EPB41L4A: variants seen among roughly 807,000 people sequenced by gnomAD.
EPB41L4A encodes band 4.1-like protein 4A.
A neutral mutation model predicts 108.6 loss-of-function variants in EPB41L4A; 100 were observed. The observed-to-expected ratio is 0.92, with a 90% CI of 0.78 to 1.09. EPB41L4A has a LOEUF of 1.09. Ranked by LOEUF, EPB41L4A falls within the 50% of genes least tolerant of loss-of-function variation. The pLI, the probability that EPB41L4A is intolerant of heterozygous loss-of-function variation, is 0.00. For synonymous variants in EPB41L4A, 319 were observed against 289.0 expected (o/e 1.10, Z -1.05); for missense variants, 1,030 against 842.7 (o/e 1.22, Z -2.75).
intron 1 of EPB41L4A, among the ~76,000 whole-genome samples, chr5:112,409,270 C>T (rs944697205): frequency 6.6e-6 from 1 of 152,086 alleles, no homozygotes; most frequent in African/African-American, 2.4e-5. Flanking sequence ...TATGAAATGT[C>T]CCGAATACAC....
chr5:112,221,393 T>C (rs1292735017), intron 12 of EPB41L4A, among the ~76,000 whole-genome samples: 1 of 152,206 alleles, frequency 6.6e-6, no homozygotes, highest in African/African-American at 2.4e-5. Flanking sequence ...CCAACAAACT[T>C]AGATTTATTT....
intron 13 of EPB41L4A, among the ~76,000 whole-genome samples, 185 bp from the exon 14 acceptor site, chr5:112,205,689 C>T (rs952258044): frequency 6.6e-6 from 1 of 152,134 alleles, no homozygotes; most frequent in Non-Finnish European, 1.5e-5. Context: ...CCAGCAAGTA[C>T]CTTTGGGTCT....
chr5:112,227,857 T>C (rs1748582327), intron 12 of EPB41L4A, among the ~76,000 whole-genome samples: 1 of 152,242 alleles, frequency 6.6e-6, no homozygotes. Flanking sequence ...CTTCCCTGCT[T>C]TGACTGCACC....
chr5:112,187,210 T>C (rs1398464413), intron 17 of EPB41L4A, among the ~76,000 whole-genome samples: 3 of 152,210 alleles, frequency 2.0e-5, no homozygotes, highest in Non-Finnish European at 4.4e-5. Context: ...TTTTCAAATG[T>C]TGCATCTAAA....
Position 112,164,867 on chromosome 5 carries a change from T to C in EPB41L4A, c.*123A>G. On this transcript the variant is annotated 3_prime_UTR_variant, in exon 23 of 23. Coordinates refer to ENST00000261486, the MANE Select transcript of EPB41L4A (RefSeq NM_022140.5). The stretch of plus-strand genomic sequence containing the variant: ...AAAAAAAGAAGCAAAAGATAATGTA[T>C]TTTCTCATGCTGAAGAAATACTTGC... 1 of 1,093,240 alleles carries C rather than the reference T, an allele frequency of 9.1e-7. No individual in the cohort carries two copies. The highest frequency in any genetic ancestry group is 1.3e-6 in the Non-Finnish European group (1 of 794,594). The allele number at this position is 1,093,240 out of a possible 1,614,324, so 67.7% of individuals were successfully genotyped here.
rs541340654 is a variant in EPB41L4A, at chr5:112,387,157, C to T, written c.99+31784G>A. 9.8e-5 allele frequency among the ~76,000 whole-genome samples: 15 copies of T among 152,310 alleles called. No homozygotes were observed. In the South Asian group the frequency reaches 2.5e-3, roughly 25 times the overall value. The stretch of plus-strand genomic sequence containing the variant: ...ATTCCCAGAGGGCTACTGGTGACAG[C>T]GCCAGTTCCATCGTGGCCAGATCCA... On this transcript the variant is annotated intron_variant, in intron 1 of 22. Coordinates refer to ENST00000261486, the MANE Select transcript of EPB41L4A (RefSeq NM_022140.5).
At chr5:112,217,070 G>A (rs558366161) in intron 12 of EPB41L4A, among the ~76,000 whole-genome samples, 25 of 151,242 alleles carry the variant, frequency 1.7e-4, no homozygotes, top group Non-Finnish European at 2.7e-4. Flanking sequence ...TCAGCCTCCC[G>A]AGTAGCTGGG....
At chr5:112,283,304 G>A (rs1479805618) in intron 2 of EPB41L4A, among the ~76,000 whole-genome samples, 1 of 152,128 alleles carries the variant, frequency 6.6e-6, no homozygotes, top group Non-Finnish European at 1.5e-5. Context: ...GTCAGACAAT[G>A]ATAAATGCCC....
At chr5:112,219,295 A>G (rs1411370630) in intron 12 of EPB41L4A, among the ~76,000 whole-genome samples, 1 of 152,154 alleles carries the variant, frequency 6.6e-6, no homozygotes, top group South Asian at 2.1e-4. Flanking sequence ...AACTCTCACA[A>G]GAGCTGATGG....
At chr5:112,151,235 A>G (rs908632193) in intron 12 of EPB41L4A, among the ~76,000 whole-genome samples, 1 of 152,110 alleles carries the variant, frequency 6.6e-6, no homozygotes, top group South Asian at 2.1e-4. Context: ...CTATAAATCG[A>G]TAAGAATGTC....
At chr5:112,243,571 G>T (rs567960455) in intron 9 of EPB41L4A, among the ~76,000 whole-genome samples, 43 of 152,164 alleles carry the variant, frequency 2.8e-4, no homozygotes, top group Non-Finnish European at 2.5e-4. Context: ...ACAGAAGAAG[G>T]TTGTTTTGTC....
At chr5:112,167,103 A>C (rs1760291971) in intron 22 of EPB41L4A, among the ~76,000 whole-genome samples, 1 of 142,158 alleles carries the variant, frequency 7.0e-6, no homozygotes, top group African/African-American at 2.6e-5. Context: ...ACTTGTATTG[A>C]AACCAACTAA....
intron 2 of EPB41L4A, among the ~76,000 whole-genome samples, chr5:112,282,114 T>C (rs1002335996): frequency 1.2e-4 from 19 of 152,324 alleles, no homozygotes; most frequent in Non-Finnish European, 2.5e-4. Flanking sequence ...AGAGGATGTG[T>C]CAGTGAAATG....
intron 3 of EPB41L4A, among the ~76,000 whole-genome samples, chr5:112,277,041 C>T (rs952708333): frequency 6.6e-6 from 1 of 152,176 alleles, no homozygotes. Flanking sequence ...ACACCTCTAT[C>T]CCTGAACATA....
At chr5:112,286,277 G>T (rs562089663) in intron 2 of EPB41L4A, among the ~76,000 whole-genome samples, 40 of 152,142 alleles carry the variant, frequency 2.6e-4, no homozygotes, top group Admixed American at 2.0e-3. Flanking sequence ...ACACCCATGG[G>T]TAACTCCAAT....
At chr5:112,384,403 G>C (rs1473416528) in intron 1 of EPB41L4A, among the ~76,000 whole-genome samples, 2 of 150,522 alleles carry the variant, frequency 1.3e-5, no homozygotes, top group Non-Finnish European at 3.0e-5. Context: ...TGAGTCCAAA[G>C]GCAAAAAGTA....
intron 1 of EPB41L4A, among the ~76,000 whole-genome samples, chr5:112,341,867 G>A (rs1757344301): frequency 6.6e-6 from 1 of 151,910 alleles, no homozygotes; most frequent in Non-Finnish European, 1.5e-5. Context: ...AAAGAAAAAT[G>A]GAAAAAATAT....
At chr5:112,306,476 C>A (rs879756588) in intron 2 of EPB41L4A, among the ~76,000 whole-genome samples, 1 of 152,094 alleles carries the variant, frequency 6.6e-6, no homozygotes, top group Non-Finnish European at 1.5e-5. Flanking sequence ...TGATCACCAT[C>A]AATAGTGGAA....
chr5:112,143,613 C>T (rs1172950129), exon 14 of EPB41L4A: 1 of 193,018 alleles, frequency 5.2e-6, no homozygotes, highest in Non-Finnish European at 1.1e-5. Context: ...TTGTGTTGGC[C>T]TCATTCTTAC....
Sources: gnomAD v4.1 joint callset for allele counts (sites outside exome capture counted in the v4.1 genomes callset) on GRCh38, gnomAD v4.1.1 for gene constraint, MANE v1.5 for transcripts, NCBI Gene and HGNC (gene_info 2026-07-23, HGNC 2026-07-21) for gene names.